Variants in BPIFB3 observed in about 807,000 individuals in gnomAD.
BPIFB3 encodes BPI fold containing family B member 3.
BPIFB3 carries 49 observed loss-of-function variants against 53.1 expected under a neutral mutation model. The observed-to-expected ratio is 0.92, with a 90% confidence interval of 0.73 to 1.17. The LOEUF is 1.17. Ranked by LOEUF, BPIFB3 falls within the 50% of genes most tolerant of loss-of-function variation. The pLI is 0.00. For synonymous variants in BPIFB3, 271 were observed against 269.6 expected, an observed-to-expected ratio of 1.01 and a Z score of -0.05; for missense variants, 628 against 592.5, an observed-to-expected ratio of 1.06 and a Z score of -0.62.
At chr20:33,056,500 G>T (rs770041442) in intron 1 of BPIFB3, 42 bp from the exon 3 acceptor site, 1 of 1,610,648 alleles carries the variant, frequency 6.2e-7, no homozygotes, top group Admixed American at 1.7e-5. Flanking sequence ...TGGGGGTGAG[G>T]TTGGAGTTTC....
At chr20:33,059,792 G>C (rs6088083) in intron 3 of BPIFB3, 99 bp from the exon 5 acceptor site, 55,688 of 1,482,874 alleles carry the variant, frequency 0.038, 1,151 homozygotes, top group Non-Finnish European at 0.042. Context: ...GGCTGAGAAG[G>C]GGGCACAGAG....
In BPIFB3 at chr20:33,071,269, G is replaced by A. The variant is rs144741997; in HGVS notation, c.1234G>A (p.Ala412Thr). The A allele has an allele frequency of 6.4e-5, 100 of 1,565,544 alleles. No homozygotes were observed. In the African/African-American group the frequency reaches 9.0e-4, roughly 14 times the overall value. Residue 412 changes from alanine (A) to threonine (T), a missense_variant, in exon 12 of 15, where the codon GCC (alanine) becomes ACC (threonine). Physicochemically the swap from Ala to Thr is moderately conservative, Grantham distance 58. Coordinates refer to ENST00000375494, the Ensembl canonical transcript of BPIFB3. ...CTCCACCAGGCTCAGTGTCAAGGTG[G>A]CCTCCTCCTTTACCCATGCCTTTGA... is the stretch of plus-strand genomic sequence containing the variant.
At chr20:33,064,327 AC>A (rs1980575323) in intron 6 of BPIFB3, 129 bp from the exon 8 acceptor site, 3 of 741,760 alleles carry the variant, frequency 4.0e-6, no homozygotes, top group East Asian at 5.4e-5. Flanking sequence ...AATGGGGATG[AC>A]AGTAGCAGCC....
intron 13 of BPIFB3, among the ~76,000 whole-genome samples, chr20:33,072,461 C>G (rs1980945460): frequency 1.3e-5 from 2 of 152,058 alleles, no homozygotes; most frequent in Admixed American, 1.3e-4. Flanking sequence ...TATAGATGAC[C>G]CAGAGTGTGT....
exon 9 of BPIFB3, chr20:33,066,844 G>C (rs138544042): frequency 7.6e-5 from 123 of 1,614,084 alleles, no homozygotes; most frequent in Middle Eastern, 6.6e-4. Context: ...ATGTCCCACT[G>C]ACAACTACAG....
intron 3 of BPIFB3, among the ~76,000 whole-genome samples, 157 bp downstream of exon 4, chr20:33,059,639 T>TC (rs1414417249): frequency 6.6e-6 from 1 of 151,502 alleles, no homozygotes; most frequent in Non-Finnish European, 1.5e-5. Context: ...TCCTACTGTT[T>TC]CCCCCCTGGA....
At chr20:33,065,762 A>G (rs221982) in intron 8 of BPIFB3, among the ~76,000 whole-genome samples, 80,382 of 151,810 alleles carry the variant, frequency 0.53, 21,598 homozygotes, top group East Asian at 0.84. Context: ...CCACCCAGAG[A>G]CATTTATTTT....
intron 2 of BPIFB3, among the ~76,000 whole-genome samples, chr20:33,057,349 G>T (rs766197210): frequency 6.6e-6 from 1 of 151,818 alleles, no homozygotes; most frequent in African/African-American, 2.4e-5. Flanking sequence ...CCACCACGAC[G>T]GGCTAATTTT....
intron 13 of BPIFB3, 134 bp from the exon 15 acceptor site, chr20:33,072,583 G>A: frequency 1.3e-6 from 1 of 746,566 alleles, no homozygotes; most frequent in Non-Finnish European, 2.3e-6. Flanking sequence ...TTGCCAATAA[G>A]AAGCTGATTC....
chr20:33,068,900 C>T (rs577396258), exon 10 of BPIFB3: 5 of 1,614,086 alleles, frequency 3.1e-6, no homozygotes, highest in Non-Finnish European at 4.2e-6. Context: ...GCCTTGGTCT[C>T]CCTCCCAGCC....
chr20:33,055,155 C>T (rs951300340), upstream of BPIFB3, among the ~76,000 whole-genome samples: 1 of 152,228 alleles, frequency 6.6e-6, no homozygotes, highest in East Asian at 1.9e-4. Context: ...CTACCCCTTT[C>T]GGTCTCAGTT....
chr20:33,066,992 T>A, intron 9 of BPIFB3, 115 bp downstream of exon 10: 1 of 1,066,442 alleles, frequency 9.4e-7, no homozygotes, highest in South Asian at 1.4e-5. Flanking sequence ...AACAGTTGAG[T>A]CCAAATTCAC....
At chr20:33,064,672 G>T (rs142043656) in exon 8 of BPIFB3, 32 of 1,613,826 alleles carry the variant, frequency 2.0e-5, no homozygotes, top group Non-Finnish European at 2.5e-5. Flanking sequence ...GCAGCCTATC[G>T]TGAAGAGTGT....
exon 8 of BPIFB3, chr20:33,064,690 G>C (rs763995421): frequency 6.2e-7 from 1 of 1,613,900 alleles, no homozygotes; most frequent in African/African-American, 1.3e-5. Context: ...TGTAGCTGGT[G>C]ATATCATTGA....
chr20:33,073,535 A>AGAGAC, intron 14 of BPIFB3, 41 bp from the exon 16 acceptor site: 1 of 1,612,758 alleles, frequency 6.2e-7, no homozygotes, highest in Non-Finnish European at 8.5e-7. Context: ...GGGGCATTGC[A>AGAGAC]GAGACTCAGG....
Position 33,073,564 on chromosome 20 carries a change from T to A in BPIFB3, c.1402-12T>A. On this transcript the variant is annotated splice_polypyrimidine_tract_variant and intron_variant, in intron 14 of 14. Coordinates refer to ENST00000375494, the Ensembl canonical transcript of BPIFB3. Reference sequence around the variant, plus strand: ...ACTCAGGGGTGTAACCAAGAGCGGTTGTTCCTTACAGAATGCTGTTGTGCT... The same window carrying A: ...ACTCAGGGGTGTAACCAAGAGCGGTAGTTCCTTACAGAATGCTGTTGTGCT... 3 of 1,613,942 alleles carry A rather than the reference T, an allele frequency of 1.9e-6. No homozygotes were observed. Among genetic ancestry groups the A allele is most frequent in the Non-Finnish European group, 2.5e-6 (3 of 1,179,920 alleles).
rs752810078 is a variant in BPIFB3, at chr20:33,072,799, C to G, written c.1401+6C>G. 2.6e-5 allele frequency: 42 copies of G among 1,609,272 alleles called. No homozygotes were observed. The South Asian group carries it at 3.4e-4, about 13-fold the overall frequency. The stretch of plus-strand genomic sequence containing the variant: ...CAGTTCTGGAGATCGTAGAGGTGAG[C>G]CTTCTCTGCAGATACGGCCCAGGTG... On this transcript the variant is annotated splice_donor_region_variant and intron_variant, in intron 14 of 14. Transcript: ENST00000375494.
chr20:33,056,598 A>C, exon 2 of BPIFB3: 1 of 1,613,996 alleles, frequency 6.2e-7, no homozygotes, highest in Non-Finnish European at 8.5e-7. Context: ...GGGATCGGTC[A>C]CAGCTGTGAA....
intron 4 of BPIFB3, 101 bp downstream of exon 5, chr20:33,060,132 G>T (rs1446025999): frequency 4.1e-6 from 6 of 1,468,008 alleles, no homozygotes; most frequent in Non-Finnish European, 5.5e-6. Context: ...AGCTGCGGGG[G>T]CCTGAACTCG....
Sources: gnomAD v4.1 joint callset for allele counts (sites outside exome capture counted in the v4.1 genomes callset) on GRCh38, gnomAD v4.1.1 for gene constraint, MANE v1.5 for transcripts, NCBI Gene and HGNC (gene_info 2026-07-23, HGNC 2026-07-21) for gene names.